NPHS1: variants seen among roughly 807,000 people sequenced by gnomAD.
NPHS1 encodes NPHS1 adhesion molecule, nephrin, also known as nephrin.
A neutral mutation model predicts 139.7 loss-of-function variants in NPHS1; 107 were observed. The ratio of observed to expected loss-of-function variants is 0.77; its 90% CI spans 0.66 to 0.90. The LOEUF (loss-of-function observed/expected upper bound fraction) is 0.90, where lower values mean the gene tolerates loss of function less well. NPHS1 is among the 40% of genes least tolerant of loss of function. The pLI is 0.00. For synonymous variants in NPHS1, 707 were observed against 706.6 expected, an observed-to-expected ratio of 1.00 and a Z score of -0.01; for missense variants, 1,580 against 1,654.2, an observed-to-expected ratio of 0.96 and a Z score of 0.78.
Position 35,845,910 on chromosome 19 carries a change from C to T in NPHS1, c.1627+98G>A, listed in dbSNP as rs1973133220. ...AGTCTCGGGTCCCCCACCCCGCCTC[C>T]GCCCGCTTTCCCCGGGTCCAGGGTT... On this transcript the variant is annotated intron_variant, in intron 12 of 28. Transcript: ENST00000378910. This position sits in a 1 kb window ranked among gnomAD's most constrained non-coding sequence, Gnocchi z 5.5. 7 of 1,525,162 alleles carry T rather than the reference C, an allele frequency of 4.6e-6. No homozygotes were observed. In the East Asian group the frequency reaches 9.8e-5, roughly 21 times the overall value. The allele number at this position is 1,525,162 out of a possible 1,614,324, so 94.5% of individuals were successfully genotyped here. A position where few individuals can be genotyped will look rare whatever the true frequency, so the allele number is the denominator to read the frequency against.
intron 22 of NPHS1, among the ~76,000 whole-genome samples, chr19:35,837,603 C>T (rs1972985432): frequency 6.6e-6 from 1 of 151,796 alleles, no homozygotes; most frequent in Non-Finnish European, 1.5e-5. Context: ...CTCTCTCTCT[C>T]TCTCTCTTTC....
intron 23 of NPHS1, among the ~76,000 whole-genome samples, chr19:35,835,298 T>C (rs1051095827): frequency 6.6e-5 from 9 of 136,958 alleles, no homozygotes; most frequent in African/African-American, 2.1e-4. Context: ...TAAGTCTTTT[T>C]TTTTTTTTTT....
rs370117524 is a variant in NPHS1, at chr19:35,844,254, C to T, written c.2072-11G>A. Reference sequence around the variant, plus strand: ...GCCGGGGGCCGCCCGCTGGGGAAGGCCAGAATAAGGGACCTGGCAGGACCT... The same window carrying T: ...GCCGGGGGCCGCCCGCTGGGGAAGGTCAGAATAAGGGACCTGGCAGGACCT... On this transcript the variant is annotated splice_polypyrimidine_tract_variant and intron_variant, in intron 15 of 28. Coordinates refer to ENST00000378910, the MANE Select transcript of NPHS1 (RefSeq NM_004646.4). 1.2e-6 allele frequency: 2 copies of T among 1,613,428 alleles called. No homozygotes were observed. Among genetic ancestry groups the T allele is most frequent in the Non-Finnish European group, 1.7e-6 (2 of 1,179,910 alleles).
At chr19:35,847,127 G>A (rs1188167122) in intron 11 of NPHS1, among the ~76,000 whole-genome samples, 1 of 150,624 alleles carries the variant, frequency 6.6e-6, no homozygotes, top group African/African-American at 2.4e-5. Context: ...CTCACTGCAA[G>A]CTCCGCCTCC....
intron 17 of NPHS1, 104 bp from the exon 18 acceptor site, chr19:35,842,654 T>TCC (rs1973078805): frequency 5.1e-6 from 6 of 1,168,608 alleles, no homozygotes; most frequent in Non-Finnish European, 6.3e-6. Flanking sequence ...ACAATCACCC[T>TCC]CCACAGAGGT....
At chr19:35,830,508 C>G (rs1171128605) in intron 28 of NPHS1, among the ~76,000 whole-genome samples, 2 of 152,250 alleles carry the variant, frequency 1.3e-5, no homozygotes, top group African/African-American at 4.8e-5. Flanking sequence ...CTCCTGAGCT[C>G]AAGGGATCCT....
intron 28 of NPHS1, among the ~76,000 whole-genome samples, chr19:35,829,842 C>CT (rs34128783): frequency 0.027 from 4,028 of 146,934 alleles, 144 homozygotes; most frequent in African/African-American, 0.092. Context: ...CTCGGCTTAA[C>CT]TTTTTTTTTT....
intron 22 of NPHS1, among the ~76,000 whole-genome samples, chr19:35,837,029 A>AGAAAAGAAG (rs1443648728): frequency 5.2e-5 from 2 of 38,824 alleles, no homozygotes; most frequent in African/African-American, 3.1e-4. Flanking sequence ...AGAAAAGAAA[A>AGAAAAGAAG]GAAAGAAAGA....
In NPHS1 at chr19:35,831,378, G is replaced by C; in HGVS notation, c.3312-7C>G. 2 of 1,613,896 alleles carry C rather than the reference G, an allele frequency of 1.2e-6. No homozygotes were observed. The highest frequency in any genetic ancestry group is 1.7e-6 in the Non-Finnish European group (2 of 1,179,860). ...GACTCGGTCCTCTTCCGACCTTCCA[G>C]GATGAAGGTGTGGGGGGAAGTTGAG... On this transcript the variant is annotated splice_polypyrimidine_tract_variant and splice_region_variant and intron_variant, in intron 25 of 28. Coordinates refer to ENST00000378910, the MANE Select transcript of NPHS1 (RefSeq NM_004646.4).
intron 23 of NPHS1, among the ~76,000 whole-genome samples, chr19:35,834,630 G>A (rs554468463): frequency 9.2e-4 from 140 of 152,270 alleles, no homozygotes; most frequent in Non-Finnish European, 1.4e-3. Flanking sequence ...AGTGGCTCAC[G>A]CCTGTAATCC....
chr19:35,848,488 A>T, intron 9 of NPHS1, 91 bp from the exon 10 acceptor site: 1 of 1,595,922 alleles, frequency 6.3e-7, no homozygotes, highest in Non-Finnish European at 8.6e-7. Context: ...CAGCAGGGAC[A>T]CAGGAGACAT....
chr19:35,847,197 C>A (rs886817744), intron 11 of NPHS1, among the ~76,000 whole-genome samples: 1 of 151,862 alleles, frequency 6.6e-6, no homozygotes, highest in African/African-American at 2.4e-5. Flanking sequence ...AGGCACCTGC[C>A]ACCACGCCTG....
At chr19:35,836,776 C>T (rs1159066046) in intron 22 of NPHS1, among the ~76,000 whole-genome samples, 1 of 151,746 alleles carries the variant, frequency 6.6e-6, no homozygotes, top group Non-Finnish European at 1.5e-5. Flanking sequence ...AGGTGGATCA[C>T]CTGAGGTTAG....
rs918441620 is a variant in NPHS1 at position 35,845,859 on chromosome 19, C to T, written c.1628-61G>A. On this transcript the variant is annotated intron_variant, in intron 12 of 28. Transcript: ENST00000378910. The surrounding 1 kb of genome is among the most constrained non-coding windows in gnomAD (Gnocchi z 5.5). ...TTAGGGGCGGCCTGGTCTGCGTCCA[C>T]CCCGCCTGCACCCCAGGCTCCGCCC... The T allele has an allele frequency of 2.3e-5, 36 of 1,582,524 alleles. No individual in the cohort carries two copies. The African/African-American group carries it at 4.6e-4, about 20-fold the overall frequency.
intron 23 of NPHS1, 84 bp from the exon 24 acceptor site, chr19:35,831,846 G>A (rs1353143826): frequency 3.5e-6 from 5 of 1,421,260 alleles, no homozygotes; most frequent in Admixed American, 4.0e-5. Context: ...GTGTAGCCCT[G>A]ACCAAGTCCC....
chr19:35,848,020 T>C (rs746476658), intron 11 of NPHS1, 21 bp downstream of exon 11: 37 of 1,612,776 alleles, frequency 2.3e-5, no homozygotes, highest in Non-Finnish European at 2.8e-5. Flanking sequence ...GCCACCCCCA[T>C]AGCCCTGGCG....
At position 35,851,465 on chromosome 19, in the gene NPHS1, G is replaced by T; in HGVS notation, c.266C>A (p.Pro89His). 1 of 1,613,530 alleles carries T rather than the reference G, an allele frequency of 6.2e-7. No homozygotes were observed. Among genetic ancestry groups the T allele is most frequent in the African/African-American group, 1.3e-5 (1 of 75,064 alleles). The change falls in exon 2 of 29, where the codon CCT (proline) becomes CAT (histidine). Residue 89 changes from proline (P) to histidine (H), a missense_variant. Pro to His is a moderately conservative substitution (Grantham distance 77). Coordinates refer to ENST00000378910, the MANE Select transcript of NPHS1 (RefSeq NM_004646.4). ...AGGCTCTGATCCCTTACCTCTAGCAGGGTCCCCTTCCAGGCGGTACCTCGG... is the reference window on the plus strand; with the variant it reads ...AGGCTCTGATCCCTTACCTCTAGCATGGTCCCCTTCCAGGCGGTACCTCGG... ...GFPRYRLEGD[P>H]ARGEFHLHIE...
chr19:35,847,979 G>GA, intron 11 of NPHS1, 62 bp downstream of exon 11: 1 of 1,561,480 alleles, frequency 6.4e-7, no homozygotes, highest in Admixed American at 1.7e-5. Flanking sequence ...CTGAAGGAGA[G>GA]AAGGGGCCTG....
At position 35,841,790 on chromosome 19, in the gene NPHS1, C is replaced by T; in HGVS notation, c.2740G>A (p.Asp914Asn). The stretch of plus-strand genomic sequence containing the variant: ...GCTGTACATGTGAAGAGGGCGTAAT[C>T]CTGGGCGGCAGACACGTTGGCAATG... ...LTIANVSAAQ[D>N]YALFTCTATN... The change falls in exon 20 of 29, where the codon GAT (aspartate) becomes AAT (asparagine). Residue 914 changes from aspartate (D) to asparagine (N), a missense_variant. Coordinates refer to ENST00000378910, the MANE Select transcript of NPHS1 (RefSeq NM_004646.4). 6.2e-7 allele frequency: 1 copy of T among 1,614,142 alleles called. No individual in the cohort carries two copies. The highest frequency in any genetic ancestry group is 1.3e-5 in the African/African-American group (1 of 75,032).
Sources: gnomAD v4.1 joint callset for allele counts (sites outside exome capture counted in the v4.1 genomes callset) on GRCh38, gnomAD v4.1.1 for gene constraint, Gnocchi (gnomAD v3.1) non-coding constraint, MANE v1.5 for transcripts, NCBI Gene and HGNC (gene_info 2026-07-23, HGNC 2026-07-21) for gene names.